The following WWOX variants were observed in gnomAD, a reference collection of about 807,000 sequenced individuals.
WWOX encodes the protein WW domain-containing oxidoreductase.
Under a neutral mutation model 46.2 loss-of-function variants are expected in WWOX, and 69 were observed. That is an observed-to-expected ratio of 1.49 (90% CI 1.23 to 1.82). The LOEUF (loss-of-function observed/expected upper bound fraction) is 1.82, where lower values mean the gene tolerates loss of function less well. WWOX is among the 40% of genes most tolerant of loss of function. The pLI is 0.00. For missense variants in WWOX, 919 were observed against 542.6 expected (o/e 1.69, Z -6.89); for synonymous variants, 359 against 202.6 (o/e 1.77, Z -6.56).
chr16:78,356,091 A>AAAAAAAAAAAC (rs1281293467), intron 5 of WWOX, among the ~76,000 whole-genome samples: 1 of 76,702 alleles, frequency 1.3e-5, no homozygotes, highest in Non-Finnish European at 2.9e-5. Flanking sequence ...AAAAAAAAAA[A>AAAAAAAAAAAC]AAGAAGAATC....
chr16:78,915,427 T>A (rs2045225243), intron 8 of WWOX, among the ~76,000 whole-genome samples: 1 of 152,188 alleles, frequency 6.6e-6, no homozygotes, highest in Non-Finnish European at 1.5e-5. Flanking sequence ...CAATCATAAA[T>A]GTAAATCGAC....
At chr16:78,298,245 G>A (rs934354585) in intron 5 of WWOX, among the ~76,000 whole-genome samples, 1 of 152,114 alleles carries the variant, frequency 6.6e-6, no homozygotes, top group Admixed American at 6.5e-5. Context: ...TAATACAGGG[G>A]TGATCACAAA....
chr16:78,634,498 G>A (rs2046516675), intron 8 of WWOX, among the ~76,000 whole-genome samples: 1 of 152,012 alleles, frequency 6.6e-6, no homozygotes, highest in Non-Finnish European at 1.5e-5. Flanking sequence ...ACAAGGTCAG[G>A]AGTTCGAGAC....
rs140119556 is a variant in WWOX at position 78,261,407 on chromosome 16, AAAATAAATAAAT to A, written c.516+97136_516+97147del. On this transcript the variant is annotated intron_variant, in intron 5 of 8. Transcript: ENST00000566780. Reference sequence around the variant, plus strand: ...GCGACAGAGCAAGACCCTGTCTCTAAAAATAAATAAATAAATAAATAAATAAATATTTTGTAA... The same window carrying A: ...GCGACAGAGCAAGACCCTGTCTCTAAAAATAAATAAATAAATATTTTGTAA... 3.5e-3 allele frequency among the ~76,000 whole-genome samples: 508 copies of A among 146,148 alleles called. 10 individuals carry two copies. Among genetic ancestry groups the A allele is most frequent in the African/African-American group, 0.012 (489 of 39,506 alleles).
intron 8 of WWOX, among the ~76,000 whole-genome samples, chr16:78,640,660 C>A (rs892692412): frequency 2.0e-5 from 3 of 152,054 alleles, no homozygotes; most frequent in African/African-American, 7.2e-5. Context: ...AAGAAGGGGC[C>A]GGGCATGGTG....
intron 5 of WWOX, among the ~76,000 whole-genome samples, chr16:78,369,421 T>C (rs1471153221): frequency 6.6e-6 from 1 of 152,132 alleles, no homozygotes; most frequent in Admixed American, 6.5e-5. Flanking sequence ...TTATTCCAGA[T>C]TATAAAGAGA....
intron 8 of WWOX, among the ~76,000 whole-genome samples, chr16:78,751,992 G>C (rs1197376896): frequency 3.9e-5 from 5 of 129,340 alleles, no homozygotes; most frequent in Admixed American, 1.5e-4. Context: ...AAAGAGAATT[G>C]GCATTTTTCT....
intron 8 of WWOX, among the ~76,000 whole-genome samples, chr16:78,512,937 C>T (rs1183410684): frequency 6.6e-6 from 1 of 152,192 alleles, no homozygotes; most frequent in Non-Finnish European, 1.5e-5. Flanking sequence ...CAGGAAGGCC[C>T]ATTAGTGAAA....
At chr16:78,743,559 A>G (rs1389713873) in intron 8 of WWOX, among the ~76,000 whole-genome samples, 1 of 152,114 alleles carries the variant, frequency 6.6e-6, no homozygotes, top group Non-Finnish European at 1.5e-5. Context: ...ATCAAAAGGA[A>G]AACACCAACT....
intron 5 of WWOX, among the ~76,000 whole-genome samples, chr16:78,287,794 T>TAAAA (rs1180440993): frequency 2.0e-5 from 3 of 152,186 alleles, no homozygotes; most frequent in Non-Finnish European, 2.9e-5. Flanking sequence ...TTCCTAAACT[T>TAAAA]AAAAAAATTT....
chr16:78,762,848 A>G (rs1489743459), intron 8 of WWOX, among the ~76,000 whole-genome samples: 1 of 152,214 alleles, frequency 6.6e-6, no homozygotes, highest in Admixed American at 6.5e-5. Flanking sequence ...TTGTTAAGGC[A>G]TATTAAATGC....
intron 4 of WWOX, 145 bp downstream of exon 4, chr16:78,115,299 C>T (rs548082458): frequency 5.9e-6 from 6 of 1,010,112 alleles, no homozygotes; most frequent in Middle Eastern, 2.3e-4. Flanking sequence ...AACATCACTA[C>T]CTCTTTTTAA....
intron 8 of WWOX, among the ~76,000 whole-genome samples, chr16:78,734,891 G>GTTCT (rs2049049833): frequency 1.1e-5 from 1 of 90,852 alleles, no homozygotes; most frequent in African/African-American, 4.0e-5. Flanking sequence ...TTTGAGATAG[G>GTTCT]GTCTGGCTCT....
At chr16:78,358,670 ATATGTG>A (rs1300862251) in intron 5 of WWOX, among the ~76,000 whole-genome samples, 1 of 38,404 alleles carries the variant, frequency 2.6e-5, no homozygotes. Context: ...AAAATAAATA[ATATGTG>A]TGTGTGTGTG....
At chr16:78,774,523 TGTGTGTGTGCGC>T (rs1567550986) in intron 8 of WWOX, among the ~76,000 whole-genome samples, 1 of 145,672 alleles carries the variant, frequency 6.9e-6, no homozygotes, top group East Asian at 2.0e-4. Flanking sequence ...TGTGTGTGTG[TGTGTGTGTGCGC>T]GTGCGCACAC....
At chr16:78,798,573 C>G (rs2050803768) in intron 8 of WWOX, among the ~76,000 whole-genome samples, 2 of 143,944 alleles carry the variant, frequency 1.4e-5, no homozygotes, top group Non-Finnish European at 3.0e-5. Context: ...TCCCTCCCCC[C>G]AAGGTAGTTG....
rs57893567 is a variant in WWOX at position 78,672,989 on chromosome 16, C to A, written c.1056+240237C>A. On this transcript the variant is annotated intron_variant, in intron 8 of 8. Transcript: ENST00000566780. ...GGCTGAGAGCCCCGGCCACCGCCGCCGTGTGTCAGAACTTGGAAATTTAAG... is the reference window on the plus strand; with the variant it reads ...GGCTGAGAGCCCCGGCCACCGCCGCAGTGTGTCAGAACTTGGAAATTTAAG... 2.1e-3 allele frequency among the ~76,000 whole-genome samples: 326 copies of A among 152,310 alleles called. 1 individual carries two copies. Among genetic ancestry groups the A allele is most frequent in the African/African-American group, 7.5e-3 (310 of 41,578 alleles).
At chr16:78,730,651 G>C (rs1252749906) in intron 8 of WWOX, among the ~76,000 whole-genome samples, 1 of 143,744 alleles carries the variant, frequency 7.0e-6, no homozygotes, top group Admixed American at 7.2e-5. Flanking sequence ...GTAGAGACAG[G>C]GTCTTGCTGT....
intron 8 of WWOX, among the ~76,000 whole-genome samples, chr16:78,803,236 G>A (rs1315945363): frequency 6.7e-6 from 1 of 150,104 alleles, no homozygotes; most frequent in East Asian, 2.0e-4. Context: ...CTATGAAGAA[G>A]TGAGAGTTTT....
Sources: gnomAD v4.1 joint callset for allele counts (sites outside exome capture counted in the v4.1 genomes callset) on GRCh38, gnomAD v4.1.1 for gene constraint, MANE v1.5 for transcripts, NCBI Gene and HGNC (gene_info 2026-07-23, HGNC 2026-07-21) for gene names.